The following AJAP1 variants were observed in gnomAD, a reference collection of about 807,000 sequenced individuals.
AJAP1 encodes adherens junctions associated protein 1, also known as adherens junction-associated protein 1.
In AJAP1, 5 loss-of-function variants were observed where a neutral mutation model predicts 35.0. The ratio of observed to expected loss-of-function variants is 0.14; its 90% confidence interval spans 0.07 to 0.30. AJAP1 has a LOEUF of 0.30. AJAP1 is among the 10% of genes least tolerant of loss of function. The pLI, the probability that AJAP1 is intolerant of heterozygous loss-of-function variation, is 1.00. For synonymous variants in AJAP1, 284 were observed against 249.3 expected (o/e 1.14, Z -1.31); for missense variants, 586 against 571.0 (o/e 1.03, Z -0.27).
chr1:4,663,787 G>C (rs1327866662), intron 1 of AJAP1, among the ~76,000 whole-genome samples: 1 of 152,152 alleles, frequency 6.6e-6, no homozygotes, highest in Non-Finnish European at 1.5e-5. Context: ...TCTGTGTAGA[G>C]AAGGATTCTG....
chr1:4,710,134 GCACACACAAATA>G (rs1173998235), intron 1 of AJAP1, among the ~76,000 whole-genome samples: 2 of 148,894 alleles, frequency 1.3e-5, no homozygotes, highest in Non-Finnish European at 3.0e-5. Flanking sequence ...AGATACAGTT[GCACACACAAATA>G]CACACACAGA....
chr1:4,711,944 C>G lies in AJAP1; in HGVS notation c.74C>G (p.Ala25Gly). 6.4e-7 allele frequency: 1 copy of G among 1,564,390 alleles called. No individual in the cohort carries two copies. The highest frequency in any genetic ancestry group is 1.4e-5 in the African/African-American group (1 of 70,936). ...CCGGGCCGCCCCCTCGGAAGCCATG[C>G]CTGGATACTGATAGCCATGTTTCAG... is the stretch of plus-strand genomic sequence containing the variant. ...RWPGRPLGSH[A>G]WILIAMFQLA... is the part of the protein sequence containing the mutation. The change falls in exon 2 of 6, where the codon GCC (alanine) becomes GGC (glycine). Residue 25 changes from alanine (A) to glycine (G), a missense_variant. By Grantham distance (60) the Ala-to-Gly change is moderately conservative (BLOSUM62 0). Transcript: ENST00000378191.
Position 4,655,334 on chromosome 1 carries a change from C to T in AJAP1, c.-92C>T, listed in dbSNP as rs1446097076. ...GAGGCGGCGGACCGAGAGCCGGAGACCGGCGCCGCGGGACGGAAGCGAGCG... is the reference window on the plus strand; with the variant it reads ...GAGGCGGCGGACCGAGAGCCGGAGATCGGCGCCGCGGGACGGAAGCGAGCG... On this transcript the variant is annotated 5_prime_UTR_variant, in exon 1 of 6. Transcript: ENST00000378191. This position sits in a 1 kb window ranked among gnomAD's most constrained non-coding sequence, Gnocchi z 6.9. 9.8e-6 allele frequency: 12 copies of T among 1,220,438 alleles called. No homozygotes were observed. Among genetic ancestry groups the T allele is most frequent in the Non-Finnish European group, 1.2e-5 (11 of 937,644 alleles). The allele number at this position is 1,220,438 out of a possible 1,614,324, so 75.6% of individuals were successfully genotyped here. A position where few individuals can be genotyped will look rare whatever the true frequency, so the allele number is the denominator to read the frequency against.
intron 5 of AJAP1, among the ~76,000 whole-genome samples, chr1:4,781,788 C>A (rs533170936): frequency 6.6e-6 from 1 of 152,208 alleles, no homozygotes; most frequent in African/African-American, 2.4e-5. Context: ...CCGGGGTGAC[C>A]GTCTGAGGGA....
chr1:4,734,849 G>T lies in AJAP1; in HGVS notation c.829+22150G>T, dbSNP rs1304590997. On this transcript the variant is annotated intron_variant, in intron 2 of 5. Coordinates refer to ENST00000378191, the MANE Select transcript of AJAP1 (RefSeq NM_018836.4). This position sits in a 1 kb window ranked among gnomAD's most constrained non-coding sequence, Gnocchi z 4.3. The stretch of plus-strand genomic sequence containing the variant: ...CCGGGAAGCATCTTCTGCTTCCGAG[G>T]CCCGAAACAGTGGCGTTTCCTCTTC... 6.6e-6 allele frequency among the ~76,000 whole-genome samples: 1 copy of T among 152,164 alleles called. No homozygotes were observed. The highest frequency in any genetic ancestry group is 1.5e-5 in the Non-Finnish European group (1 of 68,038).
At chr1:4,682,897 G>GAT in intron 1 of AJAP1, among the ~76,000 whole-genome samples, 1 of 152,144 alleles carries the variant, frequency 6.6e-6, no homozygotes, top group East Asian at 1.9e-4. Context: ...TGATGGTGAT[G>GAT]GTGATGATGC....
At chr1:4,764,606 C>T (rs890224176) in intron 2 of AJAP1, among the ~76,000 whole-genome samples, 2 of 152,232 alleles carry the variant, frequency 1.3e-5, no homozygotes, top group African/African-American at 4.8e-5. Flanking sequence ...CACCTGTCAC[C>T]TATCAAACTT....
At chr1:4,731,321 T>G (rs1640791470) in intron 2 of AJAP1, among the ~76,000 whole-genome samples, 1 of 152,216 alleles carries the variant, frequency 6.6e-6, no homozygotes, top group Non-Finnish European at 1.5e-5. Context: ...ACTCAGGTGA[T>G]CCACCTGCCT....
At chr1:4,761,558 C>G (rs1332871379) in intron 2 of AJAP1, among the ~76,000 whole-genome samples, 4 of 152,190 alleles carry the variant, frequency 2.6e-5, no homozygotes, top group Non-Finnish European at 5.9e-5. Context: ...AGAGAACAAT[C>G]AGAATCTGTA....
chr1:4,658,828 GC>G (rs1638939403), intron 1 of AJAP1, among the ~76,000 whole-genome samples: 1 of 152,184 alleles, frequency 6.6e-6, no homozygotes, highest in Non-Finnish European at 1.5e-5. Flanking sequence ...AATGGAGACA[GC>G]CCCACGCCTG....
chr1:4,774,706 C>CGG (rs369309835), intron 5 of AJAP1, 148 bp downstream of exon 5: 2 of 556,388 alleles, frequency 3.6e-6, no homozygotes, highest in African/African-American at 3.8e-5. Context: ...CATGAGCCGG[C>CGG]GGGGGGGGCT....
intron 2 of AJAP1, among the ~76,000 whole-genome samples, chr1:4,726,841 G>T (rs1640672878): frequency 2.6e-5 from 4 of 152,198 alleles, no homozygotes; most frequent in Admixed American, 2.6e-4. Context: ...GTCCCTGGGG[G>T]ATGGGGCTGC....
chr1:4,711,974 C>T lies in AJAP1; in HGVS notation c.104C>T (p.Ala35Val), dbSNP rs149284997. 1.1e-3 allele frequency: 1,737 copies of T among 1,588,056 alleles called. 11 individuals are homozygous for T. The African/African-American group carries it at 0.014, about 13-fold the overall frequency. The stretch of plus-strand genomic sequence containing the variant: ...ATACTGATAGCCATGTTTCAGCTCG[C>T]CGTGGACCTGCCCGCCTGTGAGGCC... ...AWILIAMFQL[A>V]VDLPACEALG... Residue 35 changes from alanine to valine, a missense_variant, in exon 2 of 6, where the codon GCC (alanine) becomes GTC (valine). Physicochemically the swap from Ala to Val is moderately conservative, Grantham distance 64 (BLOSUM62 0). Transcript: ENST00000378191.
At chr1:4,753,699 T>G (rs1641367952) in intron 2 of AJAP1, among the ~76,000 whole-genome samples, 1 of 152,136 alleles carries the variant, frequency 6.6e-6, no homozygotes, top group South Asian at 2.1e-4. Context: ...CAGCCTCCCA[T>G]GTAGCTGGGA....
chr1:4,693,732 C>T lies in AJAP1; in HGVS notation c.30-18168C>T, dbSNP rs369756222. On this transcript the variant is annotated intron_variant, in intron 1 of 5. Coordinates refer to ENST00000378191, the MANE Select transcript of AJAP1 (RefSeq NM_018836.4). The surrounding 1 kb of genome is among the most constrained non-coding windows in gnomAD (Gnocchi z 4.4). The stretch of plus-strand genomic sequence containing the variant: ...ACCCAAGGTCAAGGGGCCCACGTCT[C>T]GCTGGGGCTTCTTGCTGTGTAATCC... Among the ~76,000 whole-genome samples, 2 of 152,278 alleles carry T rather than the reference C, an allele frequency of 1.3e-5. No individual in the cohort carries two copies. The highest frequency in any genetic ancestry group is 2.1e-4 in the South Asian group (1 of 4,832).
At chr1:4,780,131 CAAAAAAAAAA>C (rs545412869) in intron 5 of AJAP1, among the ~76,000 whole-genome samples, 62 of 92,198 alleles carry the variant, frequency 6.7e-4, no homozygotes, top group Non-Finnish European at 1.3e-3. Flanking sequence ...GTGACAGTCT[CAAAAAAAAAA>C]AAAAAAAAAA....
At chr1:4,689,885 C>G (rs1200203641) in intron 1 of AJAP1, among the ~76,000 whole-genome samples, 1 of 152,118 alleles carries the variant, frequency 6.6e-6, no homozygotes, top group South Asian at 2.1e-4. Flanking sequence ...AGGGGCAGGT[C>G]AGGGGAGAGG....
chr1:4,712,805 TC>T, intron 2 of AJAP1, 106 bp downstream of exon 2: 1 of 1,224,124 alleles, frequency 8.2e-7, no homozygotes, highest in Non-Finnish European at 1.1e-6. Flanking sequence ...GTGTGGAGGC[TC>T]CAGGAGATGC....
Position 4,693,460 on chromosome 1 carries a change from T to C in AJAP1, c.30-18440T>C, listed in dbSNP as rs1417410444. On this transcript the variant is annotated intron_variant, in intron 1 of 5. Coordinates refer to ENST00000378191, the MANE Select transcript of AJAP1 (RefSeq NM_018836.4). The surrounding 1 kb of genome is among the most constrained non-coding windows in gnomAD (Gnocchi z 4.4). ...TGGGCTAAGACTGAGCGTCCAAGCC[T>C]TCCTTGGAGGCACCAGAGCCCAAAC... 6.6e-6 allele frequency among the ~76,000 whole-genome samples: 1 copy of C among 152,100 alleles called. No homozygotes were observed. Among genetic ancestry groups the C allele is most frequent in the Non-Finnish European group, 1.5e-5 (1 of 68,014 alleles).
Sources: gnomAD v4.1 joint callset for allele counts (sites outside exome capture counted in the v4.1 genomes callset) on GRCh38, gnomAD v4.1.1 for gene constraint, Gnocchi (gnomAD v3.1) non-coding constraint, MANE v1.5 for transcripts, NCBI Gene and HGNC (gene_info 2026-07-23, HGNC 2026-07-21) for gene names.